TENT2: variants seen among roughly 807,000 people sequenced by gnomAD.
The protein encoded by TENT2 is poly(A) RNA polymerase GLD2.
In TENT2, 44 loss-of-function variants were observed where a neutral mutation model predicts 72.2. The ratio of observed to expected loss-of-function variants is 0.61; its 90% confidence interval spans 0.48 to 0.78. TENT2 has a LOEUF of 0.78. Among genes scored for constraint, TENT2 ranks in the 30% least tolerant of loss-of-function variants. The probability of loss-of-function intolerance (pLI) is 0.00; values close to 1 mark genes in which losing one functional copy is unlikely to be tolerated. For synonymous variants in TENT2, 212 were observed against 192.5 expected, an observed-to-expected ratio of 1.10 and a Z score of -0.84; for missense variants, 541 against 569.6, an observed-to-expected ratio of 0.95 and a Z score of 0.51.
chr5:79,673,004 T>TA (rs1283961004), intron 12 of TENT2, among the ~76,000 whole-genome samples: 1 of 152,236 alleles, frequency 6.6e-6, no homozygotes, highest in Non-Finnish European at 1.5e-5. Flanking sequence ...GGTGAGATGA[T>TA]ACCTCATTGC....
At position 79,642,743 on chromosome 5, in the gene TENT2, T is replaced by C; in HGVS notation, c.673-89T>C. ...TAACTCCAAAGGAAAGTATATCTTG[T>C]ATGTTTTCTTTTTGTTGAGATACTT... is the stretch of plus-strand genomic sequence containing the variant. On this transcript the variant is annotated intron_variant, in intron 6 of 14. Coordinates refer to ENST00000453514, the MANE Select transcript of TENT2 (RefSeq NM_001114394.3). 4.1e-6 allele frequency: 4 copies of C among 973,658 alleles called. No individual in the cohort carries two copies. The South Asian group carries it at 5.9e-5, about 14-fold the overall frequency. The allele number at this position is 973,658 out of a possible 1,614,324, so 60.3% of individuals were successfully genotyped here. A position where few individuals can be genotyped will look rare whatever the true frequency, so the allele number is the denominator to read the frequency against.
chr5:79,624,638 A>T (rs939039517), intron 4 of TENT2, among the ~76,000 whole-genome samples: 1 of 152,172 alleles, frequency 6.6e-6, no homozygotes, highest in African/African-American at 2.4e-5. Context: ...TGGACATTTT[A>T]TATAAATGAA....
chr5:79,676,478 G>A (rs1430699510), intron 12 of TENT2, among the ~76,000 whole-genome samples: 1 of 152,048 alleles, frequency 6.6e-6, no homozygotes, highest in African/African-American at 2.4e-5. Flanking sequence ...CCAGCTACTC[G>A]GGATGCTGAG....
intron 10 of TENT2, among the ~76,000 whole-genome samples, chr5:79,654,697 G>A (rs1796661269): frequency 6.6e-6 from 1 of 152,056 alleles, no homozygotes; most frequent in Non-Finnish European, 1.5e-5. Context: ...TCGGGAGGTG[G>A]AGGCTGCAGT....
intron 1 of TENT2, among the ~76,000 whole-genome samples, chr5:79,619,354 A>G (rs1762943791): frequency 6.6e-6 from 1 of 152,216 alleles, no homozygotes; most frequent in African/African-American, 2.4e-5. Context: ...ATACGAGGGT[A>G]AAAGTATTAG....
intron 6 of TENT2, among the ~76,000 whole-genome samples, chr5:79,642,270 A>G (rs1487699403): frequency 6.6e-6 from 1 of 152,072 alleles, no homozygotes. Context: ...ATATTTTTCT[A>G]GGCTTTGAAA....
intron 8 of TENT2, among the ~76,000 whole-genome samples, chr5:79,647,666 T>C (rs756579660): frequency 6.6e-6 from 1 of 152,196 alleles, no homozygotes; most frequent in East Asian, 1.9e-4. Flanking sequence ...ATAATTAATA[T>C]AGAAATATTT....
rs1156452587 is a variant in TENT2, at chr5:79,619,730, A to G, written c.82A>G (p.Thr28Ala). 6.2e-7 allele frequency: 1 copy of G among 1,613,704 alleles called. No homozygotes were observed. Among genetic ancestry groups the G allele is most frequent in the African/African-American group, 1.3e-5 (1 of 74,882 alleles). The change falls in exon 2 of 15, where the codon ACT (threonine) becomes GCT (alanine). Residue 28 changes from threonine to alanine, a missense_variant. Transcript: ENST00000453514. ...QHNNFFTLSPTVYSHQQLIDA... is the reference protein window; with the variant it reads ...QHNNFFTLSPAVYSHQQLIDA... ...TAATAACTTCTTTACCCTGTCACCT[A>G]CTGTTTATTCACACCAGCAGCTTAT...
In TENT2 at chr5:79,620,007, G is replaced by A. The variant is rs1356916552; in HGVS notation, c.151G>A (p.Val51Met). 1 of 1,609,550 alleles carries A rather than the reference G, an allele frequency of 6.2e-7. No individual in the cohort carries two copies. The highest frequency in any genetic ancestry group is 8.5e-7 in the Non-Finnish European group (1 of 1,177,274). The change falls in exon 3 of 15, where the codon GTG (valine) becomes ATG (methionine). Residue 51 changes from valine (V) to methionine (M), a missense_variant. Transcript: ENST00000453514. ...TGATTTTGTTAGCTTGTCTAGAGCT[G>A]TGTCATTACAGCAGCTGACATATGG... ...NFQNADLSRA[V>M]SLQQLTYGNV...
Position 79,685,361 on chromosome 5 carries a change from C to T in TENT2, c.*88C>T. Reference sequence around the variant, plus strand: ...ATTATGTTTACCTCCATCATAGTTGCTTTTTTCATAGTTCTTGTTTTCATG... The same window carrying T: ...ATTATGTTTACCTCCATCATAGTTGTTTTTTTCATAGTTCTTGTTTTCATG... On this transcript the variant is annotated 3_prime_UTR_variant, in exon 15 of 15. Coordinates refer to ENST00000453514, the MANE Select transcript of TENT2 (RefSeq NM_001114394.3). The T allele has an allele frequency of 1.1e-6, 1 of 905,908 alleles. No homozygotes were observed. Among genetic ancestry groups the T allele is most frequent in the Non-Finnish European group, 1.6e-6 (1 of 614,976 alleles). The allele number at this position is 905,908 out of a possible 1,614,324, so 56.1% of individuals were successfully genotyped here. A position where few individuals can be genotyped will look rare whatever the true frequency, so the allele number is the denominator to read the frequency against.
intron 5 of TENT2, 24 bp from the exon 6 acceptor site, chr5:79,641,081 T>C (rs1784104696): frequency 6.5e-7 from 1 of 1,547,874 alleles, no homozygotes; most frequent in Non-Finnish European, 8.7e-7. Flanking sequence ...TAAATACTCT[T>C]ATTACTTTCT....
chr5:79,672,011 A>G (rs185896823), intron 12 of TENT2, among the ~76,000 whole-genome samples: 4 of 151,934 alleles, frequency 2.6e-5, no homozygotes, highest in Non-Finnish European at 5.9e-5. Flanking sequence ...GCTGAGGCAC[A>G]GGAATTGCTT....
At chr5:79,640,827 A>C (rs763792902) in intron 4 of TENT2, 24 bp from the exon 5 acceptor site, 56 of 1,498,554 alleles carry the variant, frequency 3.7e-5, no homozygotes, top group Non-Finnish European at 5.0e-5. Flanking sequence ...CAAAACTTTT[A>C]CTTTTTTTTG....
At chr5:79,649,332 C>T (rs1791706845) in intron 10 of TENT2, 142 bp downstream of exon 10, 1 of 733,062 alleles carries the variant, frequency 1.4e-6, no homozygotes, top group Non-Finnish European at 2.0e-6. Flanking sequence ...TGTTTTGTTG[C>T]TTTGGACAAA....
At chr5:79,677,834 TTGTC>T (rs1422959878) in intron 12 of TENT2, among the ~76,000 whole-genome samples, 3 of 152,284 alleles carry the variant, frequency 2.0e-5, no homozygotes, top group African/African-American at 7.2e-5. Context: ...GGGTCTCACT[TTGTC>T]AGTCAGGCTG....
chr5:79,683,440 G>A (rs1823793654), intron 14 of TENT2, among the ~76,000 whole-genome samples: 1 of 152,116 alleles, frequency 6.6e-6, no homozygotes, highest in Non-Finnish European at 1.5e-5. Context: ...AGCCCAGGAG[G>A]TTGAGGGTGC....
At chr5:79,642,698 A>G in intron 6 of TENT2, 134 bp from the exon 7 acceptor site, 1 of 622,292 alleles carries the variant, frequency 1.6e-6, no homozygotes, top group Non-Finnish European at 2.7e-6. Context: ...AATTGAATAT[A>G]CTTTGAGTAT....
At chr5:79,675,900 G>T (rs1358898670) in intron 12 of TENT2, among the ~76,000 whole-genome samples, 1 of 152,048 alleles carries the variant, frequency 6.6e-6, no homozygotes, top group Non-Finnish European at 1.5e-5. Flanking sequence ...GGAGCCTAAG[G>T]TGTGTACTCT....
At chr5:79,628,944 A>C (rs978583355) in intron 4 of TENT2, among the ~76,000 whole-genome samples, 2 of 152,216 alleles carry the variant, frequency 1.3e-5, no homozygotes, top group Non-Finnish European at 2.9e-5. Flanking sequence ...GAAATACACA[A>C]AATAGAGTTG....
Sources: allele counts gnomAD v4.1 joint callset (sites outside exome capture counted in the v4.1 genomes callset), GRCh38; gene constraint gnomAD v4.1.1; transcripts MANE v1.5; gene names NCBI Gene and HGNC (gene_info 2026-07-23, HGNC 2026-07-21).